Variants in TRIO observed in about 807,000 individuals in gnomAD.
The protein encoded by TRIO is trio Rho guanine nucleotide exchange factor.
TRIO carries 58 observed loss-of-function variants against 351.9 expected under a neutral mutation model. That is an observed-to-expected ratio of 0.16 (90% CI 0.13 to 0.21). The LOEUF (loss-of-function observed/expected upper bound fraction) is 0.21, where lower values mean the gene tolerates loss of function less well. TRIO is among the 10% of genes least tolerant of loss of function. The probability of loss-of-function intolerance (pLI) is 1.00; values close to 1 mark genes in which losing one functional copy is unlikely to be tolerated. For synonymous variants in TRIO, 1,758 were observed against 1,595.7 expected (o/e 1.10, Z -2.42); for missense variants, 3,201 against 4,027.8 (o/e 0.79, Z 5.56).
intron 1 of TRIO, among the ~76,000 whole-genome samples, chr5:14,194,802 T>C (rs1327169119): frequency 6.6e-6 from 1 of 152,218 alleles, no homozygotes; most frequent in East Asian, 1.9e-4. Context: ...TGAAACAATT[T>C]CAGACTTAAA....
intron 1 of TRIO, among the ~76,000 whole-genome samples, chr5:14,249,031 A>G (rs1402303628): frequency 6.6e-6 from 1 of 152,198 alleles, no homozygotes; most frequent in African/African-American, 2.4e-5. Context: ...AGCTAGATGT[A>G]CATAGTTCCT....
chr5:14,358,083 A>G, intron 11 of TRIO, 95 bp from the exon 12 acceptor site: 2 of 1,440,504 alleles, frequency 1.4e-6, no homozygotes, highest in Non-Finnish European at 1.9e-6. Flanking sequence ...AGGGCAAGTC[A>G]CACACCGTCT....
intron 11 of TRIO, among the ~76,000 whole-genome samples, chr5:14,342,358 G>A (rs951284895): frequency 6.6e-6 from 1 of 152,182 alleles, no homozygotes; most frequent in Non-Finnish European, 1.5e-5. Flanking sequence ...AGACTGCATC[G>A]GGCATCTGGT....
Position 14,144,123 on chromosome 5 carries a change from C to A in TRIO, c.157+241C>A, listed in dbSNP as rs370279692. On this transcript the variant is annotated intron_variant, in intron 1 of 56. Transcript: ENST00000344204. ...GCTTGGCCCGAATGCCACCACCTCG[C>A]CCTCCCTGCGCCCGCCCCTCGTTTT... Among the ~76,000 whole-genome samples, 25 of 152,224 alleles carry A rather than the reference C, an allele frequency of 1.6e-4. No homozygotes were observed. The South Asian group carries it at 5.0e-3, about 30-fold the overall frequency.
At chr5:14,422,773 A>T (rs1750288055) in intron 34 of TRIO, among the ~76,000 whole-genome samples, 1 of 152,234 alleles carries the variant, frequency 6.6e-6, no homozygotes, top group African/African-American at 2.4e-5. Context: ...TTTGTTTTTC[A>T]AGGAGATAAT....
chr5:14,498,098 A>C lies in TRIO; in HGVS notation c.8057A>C (p.Glu2686Ala). The change falls in exon 52 of 57, where the codon GAA becomes GCA. Residue 2686 changes from glutamate to alanine, a missense_variant. By Grantham distance (107) the Glu-to-Ala change is moderately radical. Transcript: ENST00000344204. ...CTCCTTTCCCATGCAGTTCCCCCAGAATTCGTCATTCCATTGAGTGAGGTC... is the reference window on the plus strand; with the variant it reads ...CTCCTTTCCCATGCAGTTCCCCCAGCATTCGTCATTCCATTGAGTGAGGTC... ...NPNYIYDVPP[E>A]FVIPLSEVTC... 6.2e-7 allele frequency: 1 copy of C among 1,614,134 alleles called. No individual in the cohort carries two copies. Among genetic ancestry groups the C allele is most frequent in the South Asian group, 1.1e-5 (1 of 91,084 alleles).
Position 14,396,443 on chromosome 5 carries a change from CTTTTTTTTTTTTTTTTTTTTTTTTTTTT to C in TRIO, c.4312-583_4312-556del, listed in dbSNP as rs1173121592. Among the ~76,000 whole-genome samples the C allele has an allele frequency of 8.1e-3, 335 of 41,556 alleles. 8 individuals carry two copies. Among genetic ancestry groups the C allele is most frequent in the Middle Eastern group, 0.056 (3 of 54 alleles). 27.3% of individuals were successfully genotyped at this position (41,556 alleles called of 152,430 possible). A position where few individuals can be genotyped will look rare whatever the true frequency, so the allele number is the denominator to read the frequency against. ...ATAATAATTAAATATTTCTATTTAT[CTTTTTTTTTTTTTTTTTTTTTTTTTTTT>C]TTTTTTTTTTTTTTTTGAGACAGGG... On this transcript the variant is annotated intron_variant, in intron 28 of 56. Coordinates refer to ENST00000344204, the MANE Select transcript of TRIO (RefSeq NM_007118.4).
At chr5:14,251,703 G>C (rs890424138) in intron 1 of TRIO, among the ~76,000 whole-genome samples, 2 of 152,140 alleles carry the variant, frequency 1.3e-5, no homozygotes, top group Non-Finnish European at 1.5e-5. Context: ...TGCTCACCTC[G>C]AAGCTACCCT....
intron 1 of TRIO, among the ~76,000 whole-genome samples, chr5:14,200,193 G>A (rs1199828692): frequency 6.6e-6 from 1 of 151,818 alleles, no homozygotes; most frequent in Non-Finnish European, 1.5e-5. Context: ...AGGTGGCCGT[G>A]CCCTGCCCCT....
chr5:14,436,467 C>G (rs757280118), intron 34 of TRIO, among the ~76,000 whole-genome samples: 55 of 152,150 alleles, frequency 3.6e-4, no homozygotes, highest in Non-Finnish European at 6.9e-4. Flanking sequence ...TCCCAAATCT[C>G]ATGTCATCAC....
intron 10 of TRIO, 40 bp downstream of exon 10, chr5:14,330,940 C>T (rs780987399): frequency 4.5e-5 from 72 of 1,607,346 alleles, no homozygotes; most frequent in Admixed American, 1.7e-4. Context: ...CATAAATACC[C>T]GTGTGGTTGA....
chr5:14,271,096 T>C (rs563078991), intron 2 of TRIO, among the ~76,000 whole-genome samples, 197 bp downstream of exon 2: 3 of 152,378 alleles, frequency 2.0e-5, no homozygotes, highest in East Asian at 3.9e-4. Context: ...AGGCACATGA[T>C]AAGTTAGTTA....
At chr5:14,164,858 T>C (rs1175899396) in intron 1 of TRIO, among the ~76,000 whole-genome samples, 1 of 152,224 alleles carries the variant, frequency 6.6e-6, no homozygotes, top group Non-Finnish European at 1.5e-5. Flanking sequence ...CCCCATGCCC[T>C]AAGTGTTGCT....
chr5:14,443,353 C>T (rs1752209753), intron 34 of TRIO, among the ~76,000 whole-genome samples: 1 of 152,116 alleles, frequency 6.6e-6, no homozygotes, highest in Non-Finnish European at 1.5e-5. Context: ...AGTGCCTGCC[C>T]ATCCTTTTCT....
chr5:14,150,650 A>T (rs1787775848), intron 1 of TRIO, among the ~76,000 whole-genome samples: 1 of 152,242 alleles, frequency 6.6e-6, no homozygotes, highest in Non-Finnish European at 1.5e-5. Flanking sequence ...AGCCTCACTC[A>T]TAATCGAGGA....
chr5:14,368,248 C>G (rs1247619028), intron 16 of TRIO, among the ~76,000 whole-genome samples: 1 of 152,168 alleles, frequency 6.6e-6, no homozygotes, highest in South Asian at 2.1e-4. Context: ...ATCAATAGTT[C>G]TTGAAAACTT....
chr5:14,316,546 C>T lies in TRIO; in HGVS notation c.1534C>T (p.Leu512Phe). 6.2e-7 allele frequency: 1 copy of T among 1,614,206 alleles called. No homozygotes were observed. Among genetic ancestry groups the T allele is most frequent in the Non-Finnish European group, 8.5e-7 (1 of 1,180,042 alleles). Residue 512 changes from leucine to phenylalanine, a missense_variant, in exon 9 of 57, where the codon CTC becomes TTC. By Grantham distance (22) the Leu-to-Phe change is conservative (BLOSUM62 0). Coordinates refer to ENST00000344204, the MANE Select transcript of TRIO (RefSeq NM_007118.4). ...SQDGKSLLDK[L>F]QRPLTPGSSD... ...AGATGGGAAGTCGCTCCTTGACAAG[C>T]TCCAGCGGCCCTTGACTCCCGGCAG...
At chr5:14,379,920 G>A (rs1233200957) in intron 20 of TRIO, among the ~76,000 whole-genome samples, 1 of 152,188 alleles carries the variant, frequency 6.6e-6, no homozygotes, top group African/African-American at 2.4e-5. Context: ...CAGGGCTCTT[G>A]CTGATCTTGC....
chr5:14,376,159 C>T (rs1745540781), intron 19 of TRIO, among the ~76,000 whole-genome samples: 1 of 152,182 alleles, frequency 6.6e-6, no homozygotes, highest in Non-Finnish European at 1.5e-5. Context: ...TCTTACTTAT[C>T]ACAAAGTACA....
Sources: allele counts gnomAD v4.1 joint callset (sites outside exome capture counted in the v4.1 genomes callset), GRCh38; gene constraint gnomAD v4.1.1; transcripts MANE v1.5; gene names NCBI Gene and HGNC (gene_info 2026-07-23, HGNC 2026-07-21).